The following ERICH1 variants were observed in gnomAD, a reference collection of about 807,000 sequenced individuals.
ERICH1 encodes glutamate-rich protein 1.
A neutral mutation model predicts 39.6 loss-of-function variants in ERICH1; 56 were observed. That is an observed-to-expected ratio of 1.41 (90% CI 1.14 to 1.77). The LOEUF is 1.77. Among genes scored for constraint, ERICH1 ranks in the 40% most tolerant of loss-of-function variants. The pLI is 0.00. For synonymous variants in ERICH1, 313 were observed against 223.6 expected, an observed-to-expected ratio of 1.40 and a Z score of -3.57; for missense variants, 826 against 575.4, an observed-to-expected ratio of 1.44 and a Z score of -4.45.
chr8:720,139 A>G (rs1208946636), intron 1 of ERICH1, among the ~76,000 whole-genome samples: 1 of 152,236 alleles, frequency 6.6e-6, no homozygotes, highest in Admixed American at 6.5e-5. Context: ...ACTGCTCTGC[A>G]CAAAAGAGGA....
chr8:656,494 C>T (rs1800678908), intron 3 of ERICH1, among the ~76,000 whole-genome samples: 1 of 152,220 alleles, frequency 6.6e-6, no homozygotes, highest in Non-Finnish European at 1.5e-5. Context: ...GAGCTTTCTC[C>T]TCCTGACCTT....
At chr8:640,643 C>G (rs745876405) in intron 3 of ERICH1, 1 of 152,202 alleles carries the variant, frequency 6.6e-6, no homozygotes, top group African/African-American at 2.4e-5. Context: ...CTGCGAGGAT[C>G]TGGGCACGCC....
intron 3 of ERICH1, among the ~76,000 whole-genome samples, chr8:619,667 A>C (rs1327673122): frequency 2.0e-5 from 3 of 152,336 alleles, no homozygotes; most frequent in Non-Finnish European, 2.9e-5. Flanking sequence ...TTAAGATTAT[A>C]TACAGTAGTA....
In ERICH1 at chr8:652,702, C is replaced by G. The variant is rs150946949; in HGVS notation, c.976+15896G>C. Among the ~76,000 whole-genome samples, 450 of 152,310 alleles carry G rather than the reference C, an allele frequency of 3.0e-3. 2 individuals are homozygous for G. Among genetic ancestry groups the G allele is most frequent in the African/African-American group, 0.01 (417 of 41,568 alleles). ...CCTCAGGCTCAGAGAATTTAAGCTACTTGGAGAGACCAGGGGCACACAGCT... is the reference window on the plus strand; with the variant it reads ...CCTCAGGCTCAGAGAATTTAAGCTAGTTGGAGAGACCAGGGGCACACAGCT... On this transcript the variant is annotated intron_variant, in intron 3 of 3. Coordinates refer to the ERICH1 transcript ENST00000522706.
chr8:628,132 G>A (rs558610005), intron 3 of ERICH1, among the ~76,000 whole-genome samples: 1 of 152,354 alleles, frequency 6.6e-6, no homozygotes, highest in South Asian at 2.1e-4. Context: ...AAGCAACATG[G>A]CTTCTTGAGA....
chr8:640,945 G>T (rs934738527), intron 3 of ERICH1: 2 of 152,202 alleles, frequency 1.3e-5, no homozygotes, highest in Admixed American at 1.3e-4. Flanking sequence ...AGTGAGTTTT[G>T]AGGGAGATAT....
chr8:634,991 G>C (rs1056100669), intron 3 of ERICH1, among the ~76,000 whole-genome samples: 3 of 152,050 alleles, frequency 2.0e-5, no homozygotes, highest in African/African-American at 7.2e-5. Context: ...GTGGCCGTCG[G>C]AGTTCCCTCC....
chr8:615,963 C>T (rs1348323852), intron 3 of ERICH1: 1 of 152,520 alleles, frequency 6.6e-6, no homozygotes, highest in Non-Finnish European at 1.5e-5. Context: ...TACAATTTTC[C>T]AGATGATGTA....
chr8:634,180 A>ACC (rs80306114), intron 3 of ERICH1, among the ~76,000 whole-genome samples: 5 of 91,256 alleles, frequency 5.5e-5, no homozygotes, highest in South Asian at 3.6e-4. Context: ...AAAAAAAAAA[A>ACC]AAAAAACAAA....
intron 2 of ERICH1, among the ~76,000 whole-genome samples, chr8:700,661 T>C (rs1811901940): frequency 6.6e-6 from 1 of 152,242 alleles, no homozygotes; most frequent in African/African-American, 2.4e-5. Flanking sequence ...AGCTGTTTTA[T>C]GTGCAGTAAA....
chr8:698,606 T>G (rs980031535), intron 2 of ERICH1, among the ~76,000 whole-genome samples: 1 of 152,160 alleles, frequency 6.6e-6, no homozygotes, highest in Non-Finnish European at 1.5e-5. Context: ...TACACACTTC[T>G]GAAAAACATT....
At chr8:616,347 A>T in intron 3 of ERICH1, 1 of 345,280 alleles carries the variant, frequency 2.9e-6, no homozygotes, top group Non-Finnish European at 5.8e-6. Flanking sequence ...TGCTGAAGAC[A>T]GGCTCCTGTC....
rs557889961 is a variant in ERICH1, at chr8:648,889, G to A, written c.976+19709C>T. On this transcript the variant is annotated intron_variant, in intron 3 of 3. Transcript: ENST00000522706. ...TAAAATACTGGGAATCTAATTTTCT[G>A]AAGGCAAAAATAGAGAGCAGTTCTG... Among the ~76,000 whole-genome samples the A allele has an allele frequency of 4.3e-5, 3 of 69,600 alleles. 1 individual carries two copies. The highest frequency in any genetic ancestry group is 1.1e-4 in the African/African-American group (3 of 27,746). The allele number at this position is 69,600 out of a possible 152,430, so 45.7% of individuals were successfully genotyped here. A position where few individuals can be genotyped will look rare whatever the true frequency, so the allele number is the denominator to read the frequency against.
intron 3 of ERICH1, among the ~76,000 whole-genome samples, chr8:683,856 C>T (rs1435300100): frequency 6.6e-6 from 1 of 152,188 alleles, no homozygotes; most frequent in Non-Finnish European, 1.5e-5. Flanking sequence ...AACATGTGGC[C>T]AAATACACAT....
chr8:619,006 T>C (rs896734282), intron 3 of ERICH1, among the ~76,000 whole-genome samples: 1 of 152,202 alleles, frequency 6.6e-6, no homozygotes, highest in Admixed American at 6.5e-5. Flanking sequence ...AAACTATTTA[T>C]TCAGGAAAAT....
chr8:704,784 A>C (rs1812887147), intron 2 of ERICH1, among the ~76,000 whole-genome samples: 1 of 152,176 alleles, frequency 6.6e-6, no homozygotes, highest in Admixed American at 6.5e-5. Flanking sequence ...AGAAGAAAAC[A>C]GGAAGCAACA....
At chr8:644,397 G>GCAA (rs1311641824) in intron 3 of ERICH1, among the ~76,000 whole-genome samples, 4 of 71,990 alleles carry the variant, frequency 5.6e-5, no homozygotes, top group South Asian at 5.0e-4. Context: ...TCAAAGTCAA[G>GCAA]GAAGATTCTT....
chr8:699,002 C>G (rs774979211), intron 2 of ERICH1, among the ~76,000 whole-genome samples: 4 of 151,546 alleles, frequency 2.6e-5, no homozygotes, highest in Non-Finnish European at 5.9e-5. Context: ...AGTCTCGGCT[C>G]AGCTGTGGCG....
intron 3 of ERICH1, among the ~76,000 whole-genome samples, chr8:650,331 C>T (rs529397865): frequency 8.1e-4 from 124 of 152,364 alleles, no homozygotes; most frequent in Admixed American, 1.9e-3. Context: ...GTGACACGGT[C>T]TCAGGAGAGG....
Sources: allele counts gnomAD v4.1 joint callset (sites outside exome capture counted in the v4.1 genomes callset), GRCh38; gene constraint gnomAD v4.1.1; transcripts MANE v1.5; gene names NCBI Gene and HGNC (gene_info 2026-07-23, HGNC 2026-07-21).